The following ZNF567 variants were observed in gnomAD, a reference collection of about 807,000 sequenced individuals.
ZNF567 encodes zinc finger protein 567.
Under a neutral mutation model 53.9 loss-of-function variants are expected in ZNF567, and 36 were observed. The observed-to-expected ratio is 0.67, with a 90% CI of 0.51 to 0.88. The LOEUF (loss-of-function observed/expected upper bound fraction) is 0.88, where lower values mean the gene tolerates loss of function less well. ZNF567 is among the 40% of genes least tolerant of loss of function. ZNF567 has a pLI of 0.00. For synonymous variants in ZNF567, 224 were observed against 260.4 expected, an observed-to-expected ratio of 0.86 and a Z score of 1.35; for missense variants, 619 against 764.7, an observed-to-expected ratio of 0.81 and a Z score of 2.25.
chr19:36,679,303 T>C, the ZNF567 span, among the ~76,000 whole-genome samples: 3 of 151,826 alleles, frequency 2.0e-5, no homozygotes, highest in African/African-American at 7.3e-5. Flanking sequence ...AAAACCACAG[T>C]GAGATATTAC....
chr19:36,713,136 C>G (rs2039873237), intron 5 of ZNF567, among the ~76,000 whole-genome samples: 1 of 151,878 alleles, frequency 6.6e-6, no homozygotes, highest in Admixed American at 6.6e-5. Flanking sequence ...AGCAAGACCC[C>G]ATCACTACAA....
At chr19:36,701,076 C>T (rs1343207400) in intron 3 of ZNF567, among the ~76,000 whole-genome samples, 4 of 151,962 alleles carry the variant, frequency 2.6e-5, no homozygotes, top group Admixed American at 2.6e-4. Context: ...ATAAATTTCC[C>T]TCTACACACT....
At chr19:36,676,214 T>C in the ZNF567 span, among the ~76,000 whole-genome samples, 1 of 151,246 alleles carries the variant, frequency 6.6e-6, no homozygotes, top group East Asian at 2.0e-4. Context: ...TACAGGCACC[T>C]GCCACCATGC....
chr19:36,720,712 C>T lies in ZNF567; in HGVS notation c.*44C>T, dbSNP rs1444656453. On this transcript the variant is annotated 3_prime_UTR_variant, in exon 6 of 6. Transcript: ENST00000682579. ...TGAATTCTTTACAAGCTGTTGTAAA[C>T]ATTTAGTTTTAAAAAGAAAAGCATG... 1 of 1,462,568 alleles carries T rather than the reference C, an allele frequency of 6.8e-7. No individual in the cohort carries two copies. The highest frequency in any genetic ancestry group is 1.4e-5 in the African/African-American group (1 of 70,862). 90.6% of individuals were successfully genotyped at this position (1,462,568 alleles called of 1,614,324 possible).
downstream of ZNF567, among the ~76,000 whole-genome samples, chr19:36,721,732 C>CTTTTTTTTTTTTTTTTTTTTTTT (rs756276834): frequency 2.5e-5 from 3 of 121,672 alleles, no homozygotes; most frequent in Admixed American, 1.0e-4. Context: ...GTACCAGAGT[C>CTTTTTTTTTTTTTTTTTTTTTTT]TTTTTTTTTT....
At chr19:36,675,170 A>G in the ZNF567 span, among the ~76,000 whole-genome samples, 1 of 152,242 alleles carries the variant, frequency 6.6e-6, no homozygotes, top group Non-Finnish European at 1.5e-5. Flanking sequence ...TGTAACAAGT[A>G]TACTTAAGTT....
At chr19:36,667,866 G>A in the ZNF567 span, among the ~76,000 whole-genome samples, 3 of 151,826 alleles carry the variant, frequency 2.0e-5, no homozygotes, top group Non-Finnish European at 1.5e-5. Context: ...AGCCAGGATG[G>A]TCTCGATCTC....
chr19:36,717,444 A>G (rs1226590021), intron 5 of ZNF567, among the ~76,000 whole-genome samples: 2 of 152,178 alleles, frequency 1.3e-5, no homozygotes, highest in Admixed American at 1.3e-4. Flanking sequence ...TATTAGGAAT[A>G]AGTAAGGTAT....
At chr19:36,711,040 C>T (rs891587565) in intron 3 of ZNF567, among the ~76,000 whole-genome samples, 4 of 151,934 alleles carry the variant, frequency 2.6e-5, no homozygotes, top group Non-Finnish European at 5.9e-5. Context: ...CCCTCACTTC[C>T]AGAATTAACC....
At chr19:36,682,036 G>A in the ZNF567 span, among the ~76,000 whole-genome samples, 1 of 152,086 alleles carries the variant, frequency 6.6e-6, no homozygotes, top group African/African-American at 2.4e-5. Flanking sequence ...CACTTTCAGA[G>A]GCTGAGAGAC....
the ZNF567 span, among the ~76,000 whole-genome samples, chr19:36,680,317 G>T: frequency 6.6e-6 from 1 of 152,132 alleles, no homozygotes; most frequent in East Asian, 1.9e-4. Flanking sequence ...CATTGTTGCT[G>T]TTCTGAGACC....
intron 5 of ZNF567, among the ~76,000 whole-genome samples, chr19:36,717,143 T>C (rs1285092353): frequency 6.6e-6 from 1 of 152,060 alleles, no homozygotes; most frequent in Non-Finnish European, 1.5e-5. Context: ...AGTTTAAAGA[T>C]CACCAATAAA....
chr19:36,671,578 C>T, the ZNF567 span, among the ~76,000 whole-genome samples: 1 of 152,210 alleles, frequency 6.6e-6, no homozygotes, highest in Non-Finnish European at 1.5e-5. Context: ...TCCAACAAAT[C>T]TAATGGTGCC....
downstream of ZNF567, among the ~76,000 whole-genome samples, chr19:36,723,562 G>A (rs1004764346): frequency 5.9e-5 from 9 of 152,170 alleles, no homozygotes; most frequent in African/African-American, 7.2e-5. Context: ...GAGGCTGGGC[G>A]TGGTGTCTCA....
chr19:36,704,864 G>A (rs1211746721), intron 3 of ZNF567, among the ~76,000 whole-genome samples: 2 of 152,142 alleles, frequency 1.3e-5, no homozygotes, highest in Admixed American at 1.3e-4. Flanking sequence ...TTAACCAGTA[G>A]TTCAATTTTG....
intron 3 of ZNF567, among the ~76,000 whole-genome samples, chr19:36,707,836 C>T (rs573478553): frequency 2.0e-4 from 31 of 152,264 alleles, no homozygotes; most frequent in South Asian, 2.1e-4. Flanking sequence ...GCCTAGACCT[C>T]CCAAAGTGCT....
chr19:36,693,232 T>A (rs530209778), intron 2 of ZNF567, among the ~76,000 whole-genome samples: 2 of 152,160 alleles, frequency 1.3e-5, no homozygotes, highest in South Asian at 4.2e-4. Context: ...GACGCTGCAA[T>A]GAGCGGTGAT....
At chr19:36,693,650 AG>A (rs1434664568) in intron 2 of ZNF567, among the ~76,000 whole-genome samples, 2 of 152,202 alleles carry the variant, frequency 1.3e-5, no homozygotes, top group Non-Finnish European at 2.9e-5. Context: ...TAGCCCTAGT[AG>A]ATACTAAGCT....
chr19:36,682,527 C>A, the ZNF567 span, among the ~76,000 whole-genome samples: 2 of 150,098 alleles, frequency 1.3e-5, no homozygotes, highest in Admixed American at 6.6e-5. Context: ...TATGAGGGAG[C>A]CTTCTGGGAT....
Sources: gnomAD v4.1 joint callset for allele counts (sites outside exome capture counted in the v4.1 genomes callset) on GRCh38, gnomAD v4.1.1 for gene constraint, MANE v1.5 for transcripts, NCBI Gene and HGNC (gene_info 2026-07-23, HGNC 2026-07-21) for gene names.